GART: variants seen among roughly 807,000 people sequenced by gnomAD.
The protein encoded by GART is phosphoribosylglycinamide formyltransferase, phosphoribosylglycinamide synthetase, phosphoribosylaminoimidazole synthetase.
Under a neutral mutation model 107.2 loss-of-function variants are expected in GART, and 43 were observed. The observed-to-expected ratio is 0.40, with a 90% CI of 0.31 to 0.52. The LOEUF (loss-of-function observed/expected upper bound fraction) is 0.52. Among genes scored for constraint, GART ranks in the 20% least tolerant of loss-of-function variants. The probability of loss-of-function intolerance (pLI) is 0.52; values close to 1 mark genes in which losing one functional copy is unlikely to be tolerated. For missense variants in GART, 1,107 were observed against 1,206.5 expected (o/e 0.92, Z 1.22); for synonymous variants, 434 against 427.0 (o/e 1.02, Z -0.20).
intron 16 of GART, among the ~76,000 whole-genome samples, chr21:33,514,018 C>T (rs565467477): frequency 1.3e-5 from 2 of 152,178 alleles, no homozygotes; most frequent in African/African-American, 4.8e-5. Context: ...GTAATCCCAG[C>T]GCTTTGGGAG....
At chr21:33,522,564 G>A (rs781719017) in intron 11 of GART, among the ~76,000 whole-genome samples, 1 of 152,144 alleles carries the variant, frequency 6.6e-6, no homozygotes, top group Non-Finnish European at 1.5e-5. Flanking sequence ...TCTTCTACAA[G>A]TACTTCTCAC....
At chr21:33,526,148 T>C (rs1475694793) in intron 10 of GART, among the ~76,000 whole-genome samples, 1 of 151,754 alleles carries the variant, frequency 6.6e-6, no homozygotes, top group African/African-American at 2.4e-5. Context: ...GGATTAGTCA[T>C]GAGCCACTGC....
At chr21:33,509,732 G>T in intron 18 of GART, 51 bp downstream of exon 18, 1 of 1,591,114 alleles carries the variant, frequency 6.3e-7, no homozygotes, top group Non-Finnish European at 8.6e-7. Context: ...GTGCGGGGAG[G>T]AAAGGAAGGG....
At chr21:33,533,694 T>C (rs1220938428) in intron 4 of GART, among the ~76,000 whole-genome samples, 1 of 152,024 alleles carries the variant, frequency 6.6e-6, no homozygotes, top group East Asian at 1.9e-4. Flanking sequence ...CTCTTGAGCT[T>C]AAGAGTTTGA....
intron 16 of GART, among the ~76,000 whole-genome samples, chr21:33,514,773 A>G (rs139322446): frequency 6.6e-6 from 1 of 152,188 alleles, no homozygotes; most frequent in African/African-American, 2.4e-5. Flanking sequence ...TGCTCAGTCC[A>G]TGGACCTGGA....
chr21:33,519,615 C>A (rs891405501), intron 14 of GART, among the ~76,000 whole-genome samples: 1 of 151,306 alleles, frequency 6.6e-6, no homozygotes, highest in African/African-American at 2.4e-5. Flanking sequence ...ATAGCTTGAG[C>A]CCAGCAATTC....
intron 14 of GART, 100 bp downstream of exon 14, chr21:33,520,264 G>T: frequency 1.0e-6 from 1 of 954,854 alleles, no homozygotes; most frequent in Non-Finnish European, 1.7e-6. Flanking sequence ...GTGATATACA[G>T]TCTCTCTTGC....
At chr21:33,540,915 G>T (rs1157901667) in intron 1 of GART, among the ~76,000 whole-genome samples, 1 of 152,086 alleles carries the variant, frequency 6.6e-6, no homozygotes, top group Admixed American at 6.6e-5. Context: ...AGGAGGCCCA[G>T]ATAGGTAAAT....
chr21:33,531,338 C>A, intron 6 of GART, 151 bp downstream of exon 6: 1 of 702,988 alleles, frequency 1.4e-6, no homozygotes, highest in Non-Finnish European at 2.4e-6. Flanking sequence ...CATTTGCACC[C>A]CCAACAATAA....
rs2084666826 is a variant in GART, at chr21:33,505,721, A to G, written c.2584-19T>C. ...TAATTACCTGTAATAGAAAAAGATA[A>G]GCACAACCCTTTTCAATGAATTACC... is the stretch of plus-strand genomic sequence containing the variant. On this transcript the variant is annotated intron_variant, in intron 19 of 21. Coordinates refer to ENST00000381815, the MANE Select transcript of GART (RefSeq NM_000819.5). 1.3e-6 allele frequency: 2 copies of G among 1,570,304 alleles called. No homozygotes were observed. The highest frequency in any genetic ancestry group is 1.7e-4 in the Middle Eastern group (1 of 5,808).
At chr21:33,530,165 C>G (rs1321938506) in intron 7 of GART, among the ~76,000 whole-genome samples, 1 of 152,170 alleles carries the variant, frequency 6.6e-6, no homozygotes, top group Non-Finnish European at 1.5e-5. Context: ...GCACCCCAGC[C>G]TGGTAACAGA....
intron 3 of GART, 142 bp downstream of exon 3, chr21:33,535,083 G>A: frequency 5.4e-6 from 3 of 555,216 alleles, no homozygotes; most frequent in Non-Finnish European, 8.8e-6. Context: ...AAAAAATCTA[G>A]ACTCCATAAA....
At chr21:33,532,204 A>C in intron 5 of GART, 141 bp downstream of exon 5, 2 of 665,338 alleles carry the variant, frequency 3.0e-6, no homozygotes, top group South Asian at 3.6e-5. Flanking sequence ...GATGGATTAT[A>C]ATACATGGGA....
intron 9 of GART, 76 bp from the exon 10 acceptor site, chr21:33,528,411 G>A: frequency 1.3e-6 from 2 of 1,555,284 alleles, no homozygotes; most frequent in Admixed American, 3.5e-5. Context: ...TGGTGTACTA[G>A]CAGAACTTGC....
At chr21:33,507,676 CA>C (rs1275062193) in intron 18 of GART, among the ~76,000 whole-genome samples, 1 of 151,920 alleles carries the variant, frequency 6.6e-6, no homozygotes, top group Non-Finnish European at 1.5e-5. Flanking sequence ...ACTAAAAATA[CA>C]AAAAATTAGC....
At chr21:33,514,973 C>G (rs1054383109) in intron 16 of GART, among the ~76,000 whole-genome samples, 1 of 152,226 alleles carries the variant, frequency 6.6e-6, no homozygotes, top group East Asian at 1.9e-4. Context: ...TATCTACTCA[C>G]CTCTATCACT....
chr21:33,526,883 C>T (rs1422067040), intron 10 of GART, among the ~76,000 whole-genome samples: 1 of 151,524 alleles, frequency 6.6e-6, no homozygotes, highest in African/African-American at 2.4e-5. Flanking sequence ...CTTCTTTTTC[C>T]GTCTCTATTT....
chr21:33,533,448 A>T (rs142113127), intron 4 of GART, among the ~76,000 whole-genome samples: 3,460 of 150,016 alleles, frequency 0.023, 70 homozygotes, highest in African/African-American at 0.047. Flanking sequence ...CAAAAAAAAA[A>T]AAATAAATAA....
Position 33,532,461 on chromosome 21 carries a change from A to G in GART, c.417-5T>C. ...ACCAAAGCAGGGAAGTCTGCACTGT[A>G]AAGACAGAGTAATCGTCAACATCCA... On this transcript the variant is annotated splice_polypyrimidine_tract_variant and splice_region_variant and intron_variant, in intron 4 of 21. Transcript: ENST00000381815. The G allele has an allele frequency of 6.2e-7, 1 of 1,602,102 alleles. No homozygotes were observed. Among genetic ancestry groups the G allele is most frequent in the Non-Finnish European group, 8.5e-7 (1 of 1,169,894 alleles).
Sources: gnomAD v4.1 joint callset for allele counts (sites outside exome capture counted in the v4.1 genomes callset) on GRCh38, gnomAD v4.1.1 for gene constraint, MANE v1.5 for transcripts, NCBI Gene and HGNC (gene_info 2026-07-23, HGNC 2026-07-21) for gene names.